SFMBT2: variants seen among roughly 807,000 people sequenced by gnomAD.
SFMBT2 encodes Scm like with four mbt domains 2.
Under a neutral mutation model 110.1 loss-of-function variants are expected in SFMBT2, and 38 were observed. That is an observed-to-expected ratio of 0.35 (90% CI 0.27 to 0.45). SFMBT2 has a LOEUF of 0.45. Among genes scored for constraint, SFMBT2 ranks in the 20% least tolerant of loss-of-function variants. The probability of loss-of-function intolerance (pLI) is 1.00; values close to 1 mark genes in which losing one functional copy is unlikely to be tolerated. For synonymous variants in SFMBT2, 425 were observed against 425.4 expected (o/e 1.00, Z 0.01); for missense variants, 1,011 against 1,094.9 (o/e 0.92, Z 1.08).
intron 7 of SFMBT2, among the ~76,000 whole-genome samples, chr10:7,275,762 GA>G (rs1261883030): frequency 6.6e-6 from 1 of 152,228 alleles, no homozygotes; most frequent in African/African-American, 2.4e-5. Flanking sequence ...AGTACTGAAT[GA>G]AAGGGTCAAT....
chr10:7,217,143 G>A (rs1056077983), intron 11 of SFMBT2, among the ~76,000 whole-genome samples: 15 of 152,172 alleles, frequency 9.9e-5, no homozygotes, highest in Admixed American at 6.5e-5. Flanking sequence ...TCATAGAGAC[G>A]GGAAGGAGAA....
At chr10:7,378,747 G>A (rs1845342115) in intron 2 of SFMBT2, among the ~76,000 whole-genome samples, 2 of 149,516 alleles carry the variant, frequency 1.3e-5, no homozygotes, top group Non-Finnish European at 1.5e-5. Flanking sequence ...CTGTGGGGTG[G>A]TGTGAGTGTG....
intron 15 of SFMBT2, among the ~76,000 whole-genome samples, chr10:7,193,643 T>C (rs1330103663): frequency 1.3e-5 from 2 of 152,202 alleles, no homozygotes; most frequent in African/African-American, 2.4e-5. Context: ...ATAGATTAGA[T>C]GTTCCGCTCC....
Position 7,160,347 on chromosome 10 carries a change from A to G in SFMBT2, c.*3423T>C, listed in dbSNP as rs1382633770. The G allele has an allele frequency of 6.6e-6, 1 of 152,196 alleles. No homozygotes were observed. Among genetic ancestry groups the G allele is most frequent in the African/African-American group, 2.4e-5 (1 of 41,434 alleles). The allele number at this position is 152,196 out of a possible 1,614,324, so 9.4% of individuals were successfully genotyped here. A position where few individuals can be genotyped will look rare whatever the true frequency, so the allele number is the denominator to read the frequency against. ...GTACAAATACAGTCAAGAAGTGAGG[A>G]GCTGAAACAAGCTCCATGAGTTTAG... On this transcript the variant is annotated 3_prime_UTR_variant, in exon 21 of 21. Coordinates refer to ENST00000397167, the MANE Select transcript of SFMBT2 (RefSeq NM_001387889.1).
In SFMBT2 at chr10:7,361,529, A is replaced by C. The variant is rs75954104; in HGVS notation, c.436+6120T>G. 5.9e-3 allele frequency among the ~76,000 whole-genome samples: 899 copies of C among 152,314 alleles called. 13 individuals carry two copies. Among genetic ancestry groups the C allele is most frequent in the African/African-American group, 0.02 (837 of 41,570 alleles). The stretch of plus-strand genomic sequence containing the variant: ...AACTTGGCAGGAGCTGCCCACATAA[A>C]CATAAGGCCATCTTCACACTTTCTC... On this transcript the variant is annotated intron_variant, in intron 4 of 20. Coordinates refer to ENST00000397167, the MANE Select transcript of SFMBT2 (RefSeq NM_001387889.1).
intron 1 of SFMBT2, among the ~76,000 whole-genome samples, chr10:7,384,768 G>A (rs1377614354): frequency 6.6e-6 from 1 of 152,164 alleles, no homozygotes; most frequent in Non-Finnish European, 1.5e-5. Context: ...TCCGAATGAT[G>A]GACAGAGCTG....
At chr10:7,317,970 G>C (rs1389480354) in intron 4 of SFMBT2, among the ~76,000 whole-genome samples, 1 of 152,080 alleles carries the variant, frequency 6.6e-6, no homozygotes, top group Non-Finnish European at 1.5e-5. Flanking sequence ...CCACAACTTG[G>C]GACAGTCTAA....
intron 4 of SFMBT2, among the ~76,000 whole-genome samples, chr10:7,290,623 G>A (rs1327690316): frequency 2.0e-5 from 3 of 151,956 alleles, no homozygotes; most frequent in African/African-American, 7.3e-5. Flanking sequence ...ATCTCTTGAG[G>A]CCAGAAGTTC....
chr10:7,206,049 C>A (rs201854587), intron 11 of SFMBT2, 121 bp from the exon 12 acceptor site: 1 of 971,824 alleles, frequency 1.0e-6, no homozygotes, highest in Non-Finnish European at 1.4e-6. Flanking sequence ...CATTAAAAAA[C>A]AAAAACAAAA....
chr10:7,255,579 A>G (rs1840975016), intron 7 of SFMBT2, among the ~76,000 whole-genome samples: 1 of 152,174 alleles, frequency 6.6e-6, no homozygotes. Flanking sequence ...GTAAAATGCC[A>G]TTCATTTTAT....
At chr10:7,393,374 C>G in intron 1 of SFMBT2, among the ~76,000 whole-genome samples, 1 of 151,996 alleles carries the variant, frequency 6.6e-6, no homozygotes, top group East Asian at 1.9e-4. Context: ...TTCAGTTCAC[C>G]AAACTTTCAT....
chr10:7,204,915 C>T, intron 12 of SFMBT2: 2 of 984,688 alleles, frequency 2.0e-6, no homozygotes, highest in East Asian at 1.1e-4. Flanking sequence ...TTTAAATGTG[C>T]ATGTGCGTGT....
intron 1 of SFMBT2, among the ~76,000 whole-genome samples, chr10:7,389,060 G>T (rs1176359894): frequency 1.3e-5 from 2 of 152,206 alleles, no homozygotes; most frequent in African/African-American, 4.8e-5. Context: ...TTAACAAAAT[G>T]CAATCTTTTC....
rs76984285 is a variant in SFMBT2, at chr10:7,365,996, A to G, written c.436+1653T>C. 6.1e-3 allele frequency among the ~76,000 whole-genome samples: 922 copies of G among 152,298 alleles called. 11 individuals are homozygous for G. The highest frequency in any genetic ancestry group is 0.021 in the African/African-American group (864 of 41,544). On this transcript the variant is annotated intron_variant, in intron 4 of 20. Coordinates refer to ENST00000397167, the MANE Select transcript of SFMBT2 (RefSeq NM_001387889.1). ...AGATCTTAAAAAAGAAAAGAAAAGA[A>G]TAGTACAACTGCAACCGTGATGAAC... is the stretch of plus-strand genomic sequence containing the variant.
chr10:7,344,438 T>C (rs1237850004), intron 4 of SFMBT2, among the ~76,000 whole-genome samples: 1 of 152,340 alleles, frequency 6.6e-6, no homozygotes, highest in African/African-American at 2.4e-5. Context: ...CTCTCTTGCC[T>C]GCCACCATGT....
chr10:7,222,652 G>A (rs1212657423), intron 10 of SFMBT2, among the ~76,000 whole-genome samples: 1 of 151,896 alleles, frequency 6.6e-6, no homozygotes, highest in African/African-American at 2.4e-5. Context: ...ATTAAGATCT[G>A]CTGGGGTTCA....
intron 2 of SFMBT2, among the ~76,000 whole-genome samples, chr10:7,380,719 C>T (rs1469888144): frequency 1.3e-5 from 2 of 151,828 alleles, no homozygotes; most frequent in Admixed American, 6.6e-5. Flanking sequence ...GAAAAAGATA[C>T]ATTTATGCAT....
intron 16 of SFMBT2, among the ~76,000 whole-genome samples, chr10:7,181,238 C>CAA (rs59457180): frequency 3.6e-4 from 26 of 72,196 alleles, no homozygotes; most frequent in African/African-American, 8.6e-4. Flanking sequence ...GACTCCATTT[C>CAA]AAAAAAAAAA....
chr10:7,368,091 A>T (rs1164937773), intron 3 of SFMBT2, among the ~76,000 whole-genome samples: 1 of 152,266 alleles, frequency 6.6e-6, no homozygotes, highest in Non-Finnish European at 1.5e-5. Flanking sequence ...CACGTTAAGA[A>T]CAAAAAAGAA....
Sources: allele counts gnomAD v4.1 joint callset (sites outside exome capture counted in the v4.1 genomes callset), GRCh38; gene constraint gnomAD v4.1.1; transcripts MANE v1.5; gene names NCBI Gene and HGNC (gene_info 2026-07-23, HGNC 2026-07-21).